TM7SF3: variants seen among roughly 807,000 people sequenced by gnomAD.
TM7SF3 encodes seven span transmembrane protein.
TM7SF3 carries 60 observed loss-of-function variants against 65.5 expected under a neutral mutation model. The observed-to-expected ratio is 0.92, with a 90% CI of 0.74 to 1.14. The LOEUF (loss-of-function observed/expected upper bound fraction) is 1.14, where lower values mean the gene tolerates loss of function less well. Among genes scored for constraint, TM7SF3 ranks in the 50% most tolerant of loss-of-function variants. The pLI is 0.00. For synonymous variants in TM7SF3, 264 were observed against 259.6 expected (o/e 1.02, Z -0.16); for missense variants, 623 against 684.8 (o/e 0.91, Z 1.01).
chr12:27,008,442 G>A (rs1941122938), intron 1 of TM7SF3, among the ~76,000 whole-genome samples: 2 of 152,042 alleles, frequency 1.3e-5, no homozygotes, highest in Non-Finnish European at 2.9e-5. Context: ...TATTCTGACA[G>A]ATACGTTGCG....
intron 1 of TM7SF3, among the ~76,000 whole-genome samples, chr12:27,012,442 G>C (rs1389434205): frequency 1.3e-5 from 2 of 152,210 alleles, no homozygotes; most frequent in East Asian, 3.9e-4. Flanking sequence ...GTTTGCACAA[G>C]GGCTTTTCAA....
chr12:26,975,338 TATC>T (rs1406798515), intron 11 of TM7SF3, among the ~76,000 whole-genome samples, 155 bp downstream of exon 11: 1 of 152,236 alleles, frequency 6.6e-6, no homozygotes, highest in African/African-American at 2.4e-5. Flanking sequence ...GATCCTGAGT[TATC>T]ATAACAGAGG....
chr12:27,003,241 A>G lies in TM7SF3; in HGVS notation c.241T>C (p.Ser81Pro). ...AAATAATTCTTTGCACTTACCGGAGAAAAGGAAACAGTTGTATTCTGATAC... is the reference window on the plus strand; with the variant it reads ...AAATAATTCTTTGCACTTACCGGAGGAAAGGAAACAGTTGTATTCTGATAC... ...SQYQNTTVSF[S>P]PTLLSNSSET... The change falls in exon 2 of 12, where the codon TCT (serine) becomes CCT (proline). Residue 81 changes from serine (S) to proline (P), a missense_variant. Coordinates refer to ENST00000343028, the MANE Select transcript of TM7SF3 (RefSeq NM_016551.3). 5 of 1,603,204 alleles carry G rather than the reference A, an allele frequency of 3.1e-6. No homozygotes were observed. The highest frequency in any genetic ancestry group is 4.3e-6 in the Non-Finnish European group (5 of 1,175,530).
chr12:27,010,102 G>A (rs1941190084), intron 1 of TM7SF3, among the ~76,000 whole-genome samples: 1 of 152,178 alleles, frequency 6.6e-6, no homozygotes, highest in South Asian at 2.1e-4. Flanking sequence ...GGCAAGTAAT[G>A]TACTTCCTCT....
At chr12:26,995,522 G>T in intron 4 of TM7SF3, 114 bp from the exon 5 acceptor site, 1 of 1,152,780 alleles carries the variant, frequency 8.7e-7, no homozygotes, top group Non-Finnish European at 1.2e-6. Flanking sequence ...CAATTTAACA[G>T]TTCACCTTTT....
At chr12:26,977,062 C>A (rs1939598582) in intron 9 of TM7SF3, among the ~76,000 whole-genome samples, 1 of 152,196 alleles carries the variant, frequency 6.6e-6, no homozygotes, top group African/African-American at 2.4e-5. Context: ...CTGTTTAATA[C>A]TGACACTGGC....
intron 1 of TM7SF3, among the ~76,000 whole-genome samples, chr12:27,006,701 G>A (rs7963612): frequency 0.57 from 87,058 of 152,004 alleles, 25,141 homozygotes; most frequent in East Asian, 0.8. Context: ...GCATATTTCC[G>A]CATAGATGGA....
chr12:27,010,067 A>G (rs1941188936), intron 1 of TM7SF3, among the ~76,000 whole-genome samples: 1 of 152,234 alleles, frequency 6.6e-6, no homozygotes, highest in African/African-American at 2.4e-5. Context: ...TGTTTGTTAA[A>G]TGATGCCTGA....
Position 26,974,037 on chromosome 12 carries a change from G to C in TM7SF3, c.1641C>G (p.Gly547=). Residue 547 remains glycine, a synonymous_variant, in exon 12 of 12, where the codon GGC becomes GGG. Coordinates refer to ENST00000343028, the MANE Select transcript of TM7SF3 (RefSeq NM_016551.3). The part of the protein sequence containing the change: ...HIPPLRERLY[G]RLTQIKGLFQ... ...AGAGCCCTTTAATCTGGGTTAATCG[G>C]CCATAGAGCCTCTCTCTCAATGGAG... The C allele has an allele frequency of 1.2e-5, 19 of 1,614,170 alleles. No individual in the cohort carries two copies. The highest frequency in any genetic ancestry group is 1.6e-5 in the Non-Finnish European group (19 of 1,180,026).
Position 26,975,546 on chromosome 12 carries a change from A to G in TM7SF3, c.1400T>C (p.Leu467Pro). ...YITLNVLKRALNKDFHRAFTN... is the reference protein window; with the variant it reads ...YITLNVLKRAPNKDFHRAFTN... ...GAAAGCTCTGTGGAAATCCTTGTTGAGCGCTCTCTTGAGTACGTTCAAAGT... is the reference window on the plus strand; with the variant it reads ...GAAAGCTCTGTGGAAATCCTTGTTGGGCGCTCTCTTGAGTACGTTCAAAGT... The change falls in exon 11 of 12, where the codon CTC (leucine) becomes CCC (proline). Residue 467 changes from leucine to proline, a missense_variant. Transcript: ENST00000343028. The G allele has an allele frequency of 6.2e-7, 1 of 1,614,122 alleles. No individual in the cohort carries two copies. The highest frequency in any genetic ancestry group is 8.5e-7 in the Non-Finnish European group (1 of 1,179,992).
intron 1 of TM7SF3, among the ~76,000 whole-genome samples, chr12:27,012,338 T>G (rs561099743): frequency 6.6e-6 from 1 of 152,262 alleles, no homozygotes; most frequent in South Asian, 2.1e-4. Context: ...GAGTGAATGT[T>G]AGTGCCCTAT....
chr12:26,982,153 C>G (rs1032444056), intron 7 of TM7SF3, among the ~76,000 whole-genome samples: 1 of 152,112 alleles, frequency 6.6e-6, no homozygotes, highest in African/African-American at 2.4e-5. Flanking sequence ...CCCACCTCAG[C>G]CTCCCCATGT....
rs144765532 is a variant in TM7SF3 at position 27,014,287 on chromosome 12, G to A, written c.-119C>T. Reference sequence around the variant, plus strand: ...GCGCCCGCATCGGGCGCCATCGCCCGCCAGGTGCAGACGCTTCGCACCTGC... The same window carrying A: ...GCGCCCGCATCGGGCGCCATCGCCCACCAGGTGCAGACGCTTCGCACCTGC... On this transcript the variant is annotated 5_prime_UTR_variant, in exon 1 of 12. Coordinates refer to ENST00000343028, the MANE Select transcript of TM7SF3 (RefSeq NM_016551.3). The A allele has an allele frequency of 0.012, 9,950 of 848,836 alleles. 75 individuals carry two copies. Among genetic ancestry groups the A allele is most frequent in the Non-Finnish European group, 0.015 (8,554 of 588,262 alleles). The allele number at this position is 848,836 out of a possible 1,614,324, so 52.6% of individuals were successfully genotyped here.
chr12:26,991,263 C>T (rs1200084174), intron 5 of TM7SF3, among the ~76,000 whole-genome samples: 1 of 151,188 alleles, frequency 6.6e-6, no homozygotes, highest in Non-Finnish European at 1.5e-5. Context: ...CGCCATTCTC[C>T]TGCCTCAGCC....
chr12:26,971,763 C>G lies in TM7SF3; in HGVS notation c.*2202G>C, dbSNP rs902153727. 2 of 152,098 alleles carry G rather than the reference C, an allele frequency of 1.3e-5. No homozygotes were observed. Among genetic ancestry groups the G allele is most frequent in the African/African-American group, 4.8e-5 (2 of 41,416 alleles). The allele number at this position is 152,098 out of a possible 1,614,324, so 9.4% of individuals were successfully genotyped here. On this transcript the variant is annotated 3_prime_UTR_variant, in exon 12 of 12. Transcript: ENST00000343028. ...AACATTCCATATAACTTTGTCCCTA[C>G]AGTAAATAATTTTTTAAAACTTTTC...
rs1290772844 is a variant in TM7SF3, at chr12:27,014,120, G to A, written c.49C>T (p.Arg17Trp). 8 of 1,572,256 alleles carry A rather than the reference G, an allele frequency of 5.1e-6. No individual in the cohort carries two copies. Among genetic ancestry groups the A allele is most frequent in the African/African-American group, 2.7e-5 (2 of 74,194 alleles). The change falls in exon 1 of 12, where the codon CGG becomes TGG. Residue 17 changes from arginine (R) to tryptophan (W), a missense_variant. Physicochemically the swap from Arg to Trp is moderately radical, Grantham distance 101. Transcript: ENST00000343028. ...AAGACCTCGGCTGCACCAGCCACCC[G>A]GTGTTCGGATGCCAGCACCGCTACG... ...LVVAVLASEH[R>W]VAGAAEVFGN...
intron 6 of TM7SF3, among the ~76,000 whole-genome samples, chr12:26,984,449 C>CAA (rs61259350): frequency 0.25 from 34,749 of 141,420 alleles, 4,356 homozygotes; most frequent in East Asian, 0.38. Flanking sequence ...AAACGAAAAA[C>CAA]AAAAAAAAAA....
At chr12:26,985,806 GTTTTTTTTTTTTTTTTT>G (rs149988617) in intron 6 of TM7SF3, among the ~76,000 whole-genome samples, 1 of 52,818 alleles carries the variant, frequency 1.9e-5, no homozygotes, top group Non-Finnish European at 3.1e-5. Flanking sequence ...TTTCTTTTTC[GTTTTTTTTTTTTTTTTT>G]TTTTTTTTGA....
intron 5 of TM7SF3, among the ~76,000 whole-genome samples, chr12:26,990,990 C>G (rs1940330457): frequency 6.6e-6 from 1 of 152,146 alleles, no homozygotes; most frequent in Admixed American, 6.5e-5. Flanking sequence ...AGTGTACAGC[C>G]CAATGCCTAA....
Sources: allele counts gnomAD v4.1 joint callset (sites outside exome capture counted in the v4.1 genomes callset), GRCh38; gene constraint gnomAD v4.1.1; transcripts MANE v1.5; gene names NCBI Gene and HGNC (gene_info 2026-07-23, HGNC 2026-07-21).